Variants in PATJ observed in about 807,000 individuals in gnomAD.
PATJ encodes the protein PATJ crumbs cell polarity complex component.
In PATJ, 190 loss-of-function variants were observed where a neutral mutation model predicts 224.9. That is an observed-to-expected ratio of 0.84 (90% CI 0.75 to 0.95). The LOEUF (loss-of-function observed/expected upper bound fraction) is 0.95, where lower values mean the gene tolerates loss of function less well. Among genes scored for constraint, PATJ ranks in the 40% least tolerant of loss-of-function variants. The pLI is 0.00. For missense variants in PATJ, 2,121 were observed against 2,270.3 expected, an observed-to-expected ratio of 0.93 and a Z score of 1.34; for synonymous variants, 769 against 820.3, an observed-to-expected ratio of 0.94 and a Z score of 1.07.
chr1:62,062,942 C>T (rs1302103979), intron 31 of PATJ, among the ~76,000 whole-genome samples: 1 of 152,162 alleles, frequency 6.6e-6, no homozygotes, highest in Non-Finnish European at 1.5e-5. Context: ...TGAATATTTT[C>T]TCCTATTCTG....
At chr1:61,762,963 A>C in intron 2 of PATJ, 49 bp downstream of exon 2, 1 of 1,521,528 alleles carries the variant, frequency 6.6e-7, no homozygotes, top group Non-Finnish European at 9.0e-7. Flanking sequence ...TTAAAAATGG[A>C]ATCTCAAATG....
intron 33 of PATJ, among the ~76,000 whole-genome samples, chr1:62,095,509 T>C (rs747004540): frequency 3.9e-5 from 6 of 152,216 alleles, no homozygotes; most frequent in Non-Finnish European, 7.3e-5. Flanking sequence ...CATATAAGCA[T>C]AAAAATACAT....
intron 29 of PATJ, among the ~76,000 whole-genome samples, chr1:62,028,964 AATACATAC>A (rs66669120): frequency 2.0e-5 from 3 of 147,550 alleles, no homozygotes; most frequent in African/African-American, 5.0e-5. Flanking sequence ...CCTGTCTCAA[AATACATAC>A]ATACATACAT....
chr1:61,986,082 G>T (rs966392824), intron 27 of PATJ, among the ~76,000 whole-genome samples: 1 of 151,926 alleles, frequency 6.6e-6, no homozygotes, highest in African/African-American at 2.4e-5. Flanking sequence ...GAGATGTTAA[G>T]TGCCTCAGCT....
chr1:61,878,026 G>A (rs529804467), intron 21 of PATJ, among the ~76,000 whole-genome samples: 1 of 152,314 alleles, frequency 6.6e-6, no homozygotes, highest in East Asian at 1.9e-4. Flanking sequence ...CCATGGAGGA[G>A]GCAGTGGGGC....
At chr1:61,743,069 G>C (rs758411603) in intron 1 of PATJ, among the ~76,000 whole-genome samples, 1 of 152,202 alleles carries the variant, frequency 6.6e-6, no homozygotes, top group Non-Finnish European at 1.5e-5. Flanking sequence ...AGGGGACAAA[G>C]AGGAGGGGGT....
At chr1:61,796,740 C>CTTTCTTTCTTT (rs1557661543) in intron 10 of PATJ, among the ~76,000 whole-genome samples, 2 of 50,328 alleles carry the variant, frequency 4.0e-5, no homozygotes, top group African/African-American at 1.2e-4. Context: ...TTCTTTCTTT[C>CTTTCTTTCTTT]TTTTTTTTCT....
rs367768083 is a variant in PATJ, at chr1:61,875,304, A to G, written c.2897A>G (p.Gln966Arg). 85 of 1,610,646 alleles carry G rather than the reference A, an allele frequency of 5.3e-5. No individual in the cohort carries two copies. Among genetic ancestry groups the G allele is most frequent in the Admixed American group, 1.2e-4 (7 of 59,848 alleles). The stretch of plus-strand genomic sequence containing the variant: ...GTACCATCAACTGAAGGAAACAGTC[A>G]ACAAGGCAGATTTGACGACCTGGAA... ...PSVPSTEGNS[Q>R]QGRFDDLENL... Residue 966 changes from glutamine to arginine, a missense_variant, in exon 21 of 44, where the codon CAA becomes CGA. By Grantham distance (43) the Gln-to-Arg change is conservative. Transcript: ENST00000642238.
At chr1:62,100,816 C>A (rs552592432) in intron 33 of PATJ, among the ~76,000 whole-genome samples, 1 of 152,138 alleles carries the variant, frequency 6.6e-6, no homozygotes, top group Non-Finnish European at 1.5e-5. Flanking sequence ...TGGGAGGTGG[C>A]GCAAGACATA....
At position 61,914,664 on chromosome 1, in the gene PATJ, G is replaced by A. The variant is rs779433013; in HGVS notation, c.3570G>A (p.Lys1190=). 9 of 1,556,688 alleles carry A rather than the reference G, an allele frequency of 5.8e-6. No homozygotes were observed. Among genetic ancestry groups the A allele is most frequent in the South Asian group, 4.5e-5 (4 of 89,032 alleles). The change falls in exon 26 of 44, where the codon AAG becomes AAA. Residue 1190 remains lysine (K), a splice_region_variant and synonymous_variant. Coordinates refer to ENST00000642238, the MANE Select transcript of PATJ (RefSeq NM_001350145.3). ...AGGACACCCAAGAAAAGAAAGAAAA[G>A]GTAACTTGAACCTCTCAAGGATTTA... The part of the protein sequence containing the change: ...QNQDTQEKKE[K]RQGTAPPPMK...
At chr1:61,846,672 C>T (rs1445826815) in intron 17 of PATJ, among the ~76,000 whole-genome samples, 1 of 152,202 alleles carries the variant, frequency 6.6e-6, no homozygotes, top group Non-Finnish European at 1.5e-5. Context: ...TCTCGGCTCA[C>T]TGCAACCTGC....
chr1:62,016,912 A>G (rs539742548), intron 28 of PATJ, among the ~76,000 whole-genome samples: 2 of 152,332 alleles, frequency 1.3e-5, no homozygotes, highest in South Asian at 2.1e-4. Context: ...TCTGTTTTCA[A>G]CATTTTTAAG....
At chr1:62,028,800 A>G (rs1648565052) in intron 29 of PATJ, among the ~76,000 whole-genome samples, 1 of 151,954 alleles carries the variant, frequency 6.6e-6, no homozygotes. Flanking sequence ...AAGAAAAAGA[A>G]AAGAAAAGCC....
rs187354950 is a variant in PATJ at position 61,836,821 on chromosome 1, A to C, written c.2112+3036A>C. Among the ~76,000 whole-genome samples, 37 of 152,344 alleles carry C rather than the reference A, an allele frequency of 2.4e-4. No individual in the cohort carries two copies. In the South Asian group the frequency reaches 5.2e-3, roughly 21 times the overall value. On this transcript the variant is annotated intron_variant, in intron 17 of 43. Coordinates refer to ENST00000642238, the MANE Select transcript of PATJ (RefSeq NM_001350145.3). Reference sequence around the variant, plus strand: ...ATTGCATTCAGCATGTCCTGTATGAATTTATTAGGTAGCTGAGTAGGGCCA... The same window carrying C: ...ATTGCATTCAGCATGTCCTGTATGACTTTATTAGGTAGCTGAGTAGGGCCA...
intron 24 of PATJ, 122 bp downstream of exon 24, chr1:61,901,581 T>A: frequency 3.1e-6 from 2 of 635,860 alleles, no homozygotes; most frequent in Non-Finnish European, 5.3e-6. Context: ...GTGTGCTCTA[T>A]TTATATGCCT....
intron 39 of PATJ, among the ~76,000 whole-genome samples, chr1:62,126,192 T>A (rs1052419902): frequency 6.6e-6 from 1 of 152,232 alleles, no homozygotes; most frequent in Non-Finnish European, 1.5e-5. Context: ...GCTTTTCTTC[T>A]CTTTCCCTCT....
intron 27 of PATJ, among the ~76,000 whole-genome samples, chr1:61,963,691 T>C (rs940223706): frequency 1.3e-5 from 2 of 152,160 alleles, no homozygotes; most frequent in Admixed American, 6.5e-5. Context: ...CTCATCCTTA[T>C]GTTGAGTAGG....
In PATJ at chr1:62,136,910, T is replaced by C. The variant is rs1233729006; in HGVS notation, c.5271+7965T>C. 2.0e-5 allele frequency among the ~76,000 whole-genome samples: 3 copies of C among 152,170 alleles called. No individual in the cohort carries two copies. The East Asian group carries it at 5.8e-4, about 29-fold the overall frequency. On this transcript the variant is annotated intron_variant, in intron 41 of 43. Coordinates refer to ENST00000642238, the MANE Select transcript of PATJ (RefSeq NM_001350145.3). ...ATTTGGTACTGAAAGGCTTGGGTCC[T>C]AATAAGTCTAAGGGCTAATCATCTT...
At chr1:61,827,072 T>C (rs926642210) in intron 15 of PATJ, among the ~76,000 whole-genome samples, 1 of 151,942 alleles carries the variant, frequency 6.6e-6, no homozygotes, top group Admixed American at 6.6e-5. Flanking sequence ...GGGAGCTGAG[T>C]AGAGGTAGGT....
Sources: gnomAD v4.1 joint callset for allele counts (sites outside exome capture counted in the v4.1 genomes callset) on GRCh38, gnomAD v4.1.1 for gene constraint, MANE v1.5 for transcripts, NCBI Gene and HGNC (gene_info 2026-07-23, HGNC 2026-07-21) for gene names.